The following TACC2 variants were observed in gnomAD, a reference collection of about 807,000 sequenced individuals.
TACC2 encodes transforming acidic coiled-coil containing protein 2, also known as transforming acidic coiled-coil-containing protein 2.
Under a neutral mutation model 227.3 loss-of-function variants are expected in TACC2, and 137 were observed. The observed-to-expected ratio is 0.60, with a 90% CI of 0.52 to 0.69. The LOEUF is 0.69. TACC2 is among the 30% of genes least tolerant of loss of function. The pLI is 0.00. For missense variants in TACC2, 3,470 were observed against 3,694.4 expected (o/e 0.94, Z 1.57); for synonymous variants, 1,523 against 1,487.5 (o/e 1.02, Z -0.55).
chr10:122,176,113 C>CTATATATATATA (rs1159813137), intron 7 of TACC2, among the ~76,000 whole-genome samples: 2 of 54,822 alleles, frequency 3.6e-5, no homozygotes, highest in Non-Finnish European at 6.4e-5. Context: ...CTCTCTCTCT[C>CTATATATATATA]TCTCTATATA....
At chr10:122,068,105 CT>C (rs1213173381) in intron 3 of TACC2, among the ~76,000 whole-genome samples, 7 of 152,148 alleles carry the variant, frequency 4.6e-5, no homozygotes, top group African/African-American at 1.7e-4. Context: ...AGTGGCTAAC[CT>C]GTCATTAATT....
In TACC2 at chr10:122,086,352, G is replaced by A; in HGVS notation, c.3852G>A (p.Leu1284=). The A allele has an allele frequency of 6.2e-7, 1 of 1,613,736 alleles. No individual in the cohort carries two copies. The highest frequency in any genetic ancestry group is 1.1e-5 in the South Asian group (1 of 91,086). Residue 1284 remains leucine (L), a synonymous_variant, in exon 4 of 23, where the codon TTG becomes TTA. Coordinates refer to ENST00000369005, the MANE Select transcript of TACC2 (RefSeq NM_206862.4). ...TTGCCTTGGAAAATGCTGCCTCCTT[G>A]AAGCTGTTTGCTGGCTCCCTCGCCC... ...PPLALENAAS[L]KLFAGSLAPL...
chr10:122,104,277 A>C (rs763050156), intron 5 of TACC2, among the ~76,000 whole-genome samples: 2 of 152,170 alleles, frequency 1.3e-5, no homozygotes, highest in Non-Finnish European at 2.9e-5. Context: ...CACATTCATG[A>C]CATTTACCAT....
At chr10:122,232,778 T>C (rs1197026582) in intron 16 of TACC2, among the ~76,000 whole-genome samples, 1 of 152,142 alleles carries the variant, frequency 6.6e-6, no homozygotes, top group Non-Finnish European at 1.5e-5. Context: ...ATAGAAAGAT[T>C]GTTCCTTGCT....
chr10:121,994,805 T>C (rs557238374), intron 1 of TACC2: 2 of 152,356 alleles, frequency 1.3e-5, no homozygotes, highest in South Asian at 4.1e-4. Context: ...AAGCATTGCT[T>C]GTTTGCTTTC....
intron 3 of TACC2, among the ~76,000 whole-genome samples, chr10:122,078,181 C>G (rs991767244): frequency 8.6e-6 from 1 of 116,878 alleles, no homozygotes. Context: ...GGCGACAGAG[C>G]GAGACTCCAT....
intron 1 of TACC2, among the ~76,000 whole-genome samples, chr10:121,996,150 C>T (rs537071501): frequency 1.4e-4 from 21 of 152,142 alleles, no homozygotes; most frequent in Non-Finnish European, 2.4e-4. Context: ...ACTTCCTGGG[C>T]TCAAGCACTC....
rs576006404 is a variant in TACC2 at position 122,045,360 on chromosome 10, C to T, written c.34-5078C>T. 3.3e-5 allele frequency among the ~76,000 whole-genome samples: 5 copies of T among 152,340 alleles called. No homozygotes were observed. The South Asian group carries it at 8.3e-4, about 25-fold the overall frequency. Reference sequence around the variant, plus strand: ...AAGCAGCGTAAGGCAGGGACAAGAGCACAGACTCTGGAGCCAAACCATCCT... The same window carrying T: ...AAGCAGCGTAAGGCAGGGACAAGAGTACAGACTCTGGAGCCAAACCATCCT... On this transcript the variant is annotated intron_variant, in intron 2 of 22. Coordinates refer to ENST00000369005, the MANE Select transcript of TACC2 (RefSeq NM_206862.4).
At chr10:122,230,653 G>C (rs879066495) in intron 16 of TACC2, among the ~76,000 whole-genome samples, 2 of 152,250 alleles carry the variant, frequency 1.3e-5, no homozygotes, top group Non-Finnish European at 2.9e-5. Context: ...CCGCGGGATA[G>C]TAATGCTGGT....
Position 122,249,552 on chromosome 10 carries a change from C to T in TACC2, c.8669C>T (p.Ala2890Val). ...HAEEKLDRANAEIAQVRGKAQ... is the reference protein window; with the variant it reads ...HAEEKLDRANVEIAQVRGKAQ... The stretch of plus-strand genomic sequence containing the variant: ...GCTCCCTGTCTCCGCAGGGCCAATG[C>T]TGAGATTGCTCAGGTTCGAGGCAAG... Residue 2890 changes from alanine (A) to valine (V), a missense_variant, in exon 22 of 23, where the codon GCT (alanine) becomes GTT (valine). Transcript: ENST00000369005. 1 of 1,614,086 alleles carries T rather than the reference C, an allele frequency of 6.2e-7. No homozygotes were observed. The highest frequency in any genetic ancestry group is 2.2e-5 in the East Asian group (1 of 44,880).
At chr10:122,196,779 A>G (rs1039870256) in intron 8 of TACC2, among the ~76,000 whole-genome samples, 1 of 152,142 alleles carries the variant, frequency 6.6e-6, no homozygotes, top group East Asian at 1.9e-4. Flanking sequence ...CGTTAAAAAT[A>G]CAAAAAATTA....
intron 22 of TACC2, among the ~76,000 whole-genome samples, chr10:122,250,093 C>T (rs2096222613): frequency 6.6e-6 from 1 of 152,168 alleles, no homozygotes; most frequent in Admixed American, 6.5e-5. Context: ...GCCCAGGTGG[C>T]CTCTAATTCC....
At chr10:122,187,902 C>A (rs1412169323) in intron 7 of TACC2, among the ~76,000 whole-genome samples, 1 of 152,096 alleles carries the variant, frequency 6.6e-6, no homozygotes, top group South Asian at 2.1e-4. Flanking sequence ...ATGTGACAGT[C>A]CCAGGGCCTG....
intron 19 of TACC2, chr10:122,246,671 C>T (rs909483132): frequency 4.6e-5 from 7 of 152,276 alleles, no homozygotes; most frequent in African/African-American, 1.7e-4. Flanking sequence ...TCACTCGTCG[C>T]ATGGACATGT....
intron 1 of TACC2, among the ~76,000 whole-genome samples, chr10:122,015,521 A>C (rs1178626986): frequency 6.7e-6 from 1 of 149,598 alleles, no homozygotes; most frequent in African/African-American, 2.5e-5. Flanking sequence ...ACAAATAAAG[A>C]AACAAAAAAA....
At chr10:122,137,615 C>T (rs4752655) in intron 6 of TACC2, among the ~76,000 whole-genome samples, 99,160 of 152,150 alleles carry the variant, frequency 0.65, 35,634 homozygotes, top group Middle Eastern at 0.83. Flanking sequence ...CCCCTGAGAA[C>T]TTCAGGACTC....
At chr10:122,159,518 C>T (rs758439495) in intron 7 of TACC2, among the ~76,000 whole-genome samples, 7 of 152,180 alleles carry the variant, frequency 4.6e-5, no homozygotes, top group South Asian at 4.1e-4. Flanking sequence ...GTGCAGGGCT[C>T]GGGCGTTCAG....
At chr10:122,092,025 GC>G (rs1277021693) in intron 5 of TACC2, among the ~76,000 whole-genome samples, 2 of 152,244 alleles carry the variant, frequency 1.3e-5, no homozygotes, top group Admixed American at 6.5e-5. Flanking sequence ...GCTGGAGCGT[GC>G]CCATTCTGGT....
rs771981610 is a variant in TACC2 at position 122,224,730 on chromosome 10, G to A, written c.7551G>A (p.Leu2517=). Reference sequence around the variant, plus strand: ...TGTTTGTTTTTGTTTTTGCAGAGTTGGATTACAGAAACTCCTATGAAATTG... The same window carrying A: ...TGTTTGTTTTTGTTTTTGCAGAGTTAGATTACAGAAACTCCTATGAAATTG... ...ETKFSSPTEE[L]DYRNSYEIEY... The change falls in exon 12 of 23, where the codon TTG becomes TTA. Residue 2517 remains leucine, a synonymous_variant. Transcript: ENST00000369005. The A allele has an allele frequency of 1.2e-6, 2 of 1,613,632 alleles. No individual in the cohort carries two copies. Among genetic ancestry groups the A allele is most frequent in the East Asian group, 2.2e-5 (1 of 44,880 alleles).
Sources: allele counts gnomAD v4.1 joint callset (sites outside exome capture counted in the v4.1 genomes callset), GRCh38; gene constraint gnomAD v4.1.1; transcripts MANE v1.5; gene names NCBI Gene and HGNC (gene_info 2026-07-23, HGNC 2026-07-21).